The following RXYLT1 variants were observed in gnomAD, a reference collection of about 807,000 sequenced individuals.
RXYLT1 encodes the protein ribitol-5-phosphate xylosyltransferase 1.
Under a neutral mutation model 43.5 loss-of-function variants are expected in RXYLT1, and 41 were observed. That is an observed-to-expected ratio of 0.94 (90% CI 0.73 to 1.22). The LOEUF (loss-of-function observed/expected upper bound fraction) is 1.22, where lower values mean the gene tolerates loss of function less well. RXYLT1 is among the 50% of genes most tolerant of loss of function. The pLI is 0.00. For missense variants in RXYLT1, 514 were observed against 532.0 expected (o/e 0.97, Z 0.33); for synonymous variants, 166 against 194.4 (o/e 0.85, Z 1.21).
chr12:63,783,836 A>G (rs946572335), intron 2 of RXYLT1, among the ~76,000 whole-genome samples: 1 of 152,238 alleles, frequency 6.6e-6, no homozygotes, highest in African/African-American at 2.4e-5. Context: ...GCAGAACTCT[A>G]AAATGTGTGG....
At chr12:63,807,470 T>C (rs1898324471) in intron 5 of RXYLT1, 1 of 152,260 alleles carries the variant, frequency 6.6e-6, no homozygotes, top group South Asian at 2.1e-4. Flanking sequence ...GGCTGTTTTA[T>C]ACCTTCTTCT....
rs572845034 is a variant in RXYLT1, at chr12:63,780,721, T to C, written c.170-298T>C. 7.9e-5 allele frequency among the ~76,000 whole-genome samples: 12 copies of C among 152,342 alleles called. 1 individual carries two copies. The highest frequency in any genetic ancestry group is 2.9e-4 in the African/African-American group (12 of 41,582). On this transcript the variant is annotated intron_variant, in intron 1 of 5. Coordinates refer to ENST00000261234, the MANE Select transcript of RXYLT1 (RefSeq NM_014254.3). ...TAAAAATAATTGCAAAAGTTAAGCTTGTAACTTGATACATATTATCCTGTT... is the reference window on the plus strand; with the variant it reads ...TAAAAATAATTGCAAAAGTTAAGCTCGTAACTTGATACATATTATCCTGTT...
intron 3 of RXYLT1, among the ~76,000 whole-genome samples, chr12:63,795,117 C>T (rs1898000510): frequency 6.6e-6 from 1 of 151,816 alleles, no homozygotes; most frequent in African/African-American, 2.4e-5. Flanking sequence ...GGCAGCATGG[C>T]GAAACTGTAT....
Position 63,802,207 on chromosome 12 carries a change from T to G in RXYLT1, c.545T>G (p.Leu182Arg). 1 of 1,614,166 alleles carries G rather than the reference T, an allele frequency of 6.2e-7. No homozygotes were observed. The highest frequency in any genetic ancestry group is 8.5e-7 in the Non-Finnish European group (1 of 1,180,018). The change falls in exon 4 of 6, where the codon CTT becomes CGT. Residue 182 changes from leucine to arginine, a missense_variant. Physicochemically the swap from Leu to Arg is moderately radical, Grantham distance 102 (BLOSUM62 -2). Transcript: ENST00000261234. The part of the protein sequence containing the change: ...AKIFYATQWL[L>R]YAQNLVQIQK... Reference sequence around the variant, plus strand: ...ATCTTTTATGCCACCCAGTGGTTACTTTATGCACAAAATTTAGTGCAAATT... The same window carrying G: ...ATCTTTTATGCCACCCAGTGGTTACGTTATGCACAAAATTTAGTGCAAATT...
rs563121522 is a variant in RXYLT1 at position 63,803,370 on chromosome 12, T to C, written c.743+965T>C. On this transcript the variant is annotated intron_variant, in intron 4 of 5. Coordinates refer to ENST00000261234, the MANE Select transcript of RXYLT1 (RefSeq NM_014254.3). Reference sequence around the variant, plus strand: ...TTTTTGTCTCTTTTGTTCACTGTTCTATCCACAGAGCCTAAAACAGCACCT... The same window carrying C: ...TTTTTGTCTCTTTTGTTCACTGTTCCATCCACAGAGCCTAAAACAGCACCT... 9.7e-4 allele frequency among the ~76,000 whole-genome samples: 147 copies of C among 152,248 alleles called. 1 individual carries two copies. In the Middle Eastern group the frequency reaches 0.017, roughly 18 times the overall value.
chr12:63,802,037 T>C, intron 3 of RXYLT1, 54 bp from the exon 4 acceptor site: 2 of 1,468,006 alleles, frequency 1.4e-6, no homozygotes, highest in Non-Finnish European at 1.8e-6. Context: ...TGATACCACA[T>C]ACCTTTGTTC....
intron 3 of RXYLT1, among the ~76,000 whole-genome samples, chr12:63,789,985 A>T (rs1734901613): frequency 6.6e-6 from 1 of 152,234 alleles, no homozygotes; most frequent in Admixed American, 6.5e-5. Flanking sequence ...CTTTGTTTAA[A>T]TAAACAAACG....
intron 3 of RXYLT1, among the ~76,000 whole-genome samples, chr12:63,798,374 C>T (rs1419938280): frequency 6.6e-6 from 1 of 152,156 alleles, no homozygotes; most frequent in Non-Finnish European, 1.5e-5. Context: ...TTTCAGAATC[C>T]TTGTCTATAC....
chr12:63,780,777 A>C (rs1377846932), intron 1 of RXYLT1, among the ~76,000 whole-genome samples: 3 of 152,158 alleles, frequency 2.0e-5, no homozygotes, highest in African/African-American at 7.2e-5. Context: ...GGGGAAGAGA[A>C]TTTTCCTGTC....
At chr12:63,791,044 ACC>A (rs1344641145) in intron 3 of RXYLT1, among the ~76,000 whole-genome samples, 21 of 151,950 alleles carry the variant, frequency 1.4e-4, no homozygotes, top group African/African-American at 4.8e-4. Flanking sequence ...ACTGTCTCTT[ACC>A]CCTCCGTCAT....
At chr12:63,780,165 G>A (rs1413017206) in intron 1 of RXYLT1, 36 bp downstream of exon 1, 2 of 1,425,918 alleles carry the variant, frequency 1.4e-6, no homozygotes, top group Non-Finnish European at 1.8e-6. Flanking sequence ...CCGGCTCTGC[G>A]CTCCTGGCTG....
chr12:63,808,504 A>T, intron 5 of RXYLT1, 171 bp from the exon 6 acceptor site: 1 of 660,586 alleles, frequency 1.5e-6, no homozygotes, highest in South Asian at 2.3e-5. Context: ...CAATTCTTCA[A>T]CATTTTTAAG....
chr12:63,782,664 A>G, intron 2 of RXYLT1: 2 of 455,728 alleles, frequency 4.4e-6, no homozygotes, highest in Non-Finnish European at 4.4e-6. Flanking sequence ...GAGTAATCCC[A>G]TCTCCATTTC....
chr12:63,808,938 C>T lies in RXYLT1; in HGVS notation c.1178C>T (p.Pro393Leu). ...FIFIKNWKEL[P>L]AVLEKEKTII... ...TTTATCAAGAACTGGAAGGAACTCC[C>T]TGCTGTTTTAGAAAAAGAGAAAACT... is the stretch of plus-strand genomic sequence containing the variant. The change falls in exon 6 of 6, where the codon CCT becomes CTT. Residue 393 changes from proline to leucine, a missense_variant. Transcript: ENST00000261234. 1 of 1,613,688 alleles carries T rather than the reference C, an allele frequency of 6.2e-7. No individual in the cohort carries two copies. Among genetic ancestry groups the T allele is most frequent in the Non-Finnish European group, 8.5e-7 (1 of 1,180,000 alleles).
At chr12:63,796,149 T>C (rs1348815385) in intron 3 of RXYLT1, among the ~76,000 whole-genome samples, 1 of 152,238 alleles carries the variant, frequency 6.6e-6, no homozygotes, top group African/African-American at 2.4e-5. Context: ...TTTCTCAGTC[T>C]TTGTTGACCT....
rs1298692564 is a variant in RXYLT1, at chr12:63,780,038, C to A, written c.78C>A (p.His26Gln). 2.5e-6 allele frequency: 4 copies of A among 1,607,874 alleles called. No homozygotes were observed. The highest frequency in any genetic ancestry group is 3.4e-6 in the Non-Finnish European group (4 of 1,178,052). ...TATTCTCCCTCTACGCTGCCTACCA[C>A]GTCTTCTTCGGGCGCCGCCGCCAGG... ...YCLFSLYAAY[H>Q]VFFGRRRQAP... The change falls in exon 1 of 6, where the codon CAC becomes CAA. Residue 26 changes from histidine to glutamine, a missense_variant. By Grantham distance (24) the His-to-Gln change is conservative (BLOSUM62 0). Coordinates refer to ENST00000261234, the MANE Select transcript of RXYLT1 (RefSeq NM_014254.3).
intron 3 of RXYLT1, among the ~76,000 whole-genome samples, chr12:63,789,086 T>G (rs986983246): frequency 2.0e-5 from 3 of 152,152 alleles, no homozygotes; most frequent in African/African-American, 7.2e-5. Context: ...AAACTAAGAA[T>G]CCATGCCTAT....
chr12:63,809,352 A>G lies in RXYLT1; in HGVS notation c.*260A>G. On this transcript the variant is annotated 3_prime_UTR_variant, in exon 6 of 6. Transcript: ENST00000261234. ...GATGACATATGTATTGCAATACATCACTCACGTGTTTGTGGTGATACTGGT... is the reference window on the plus strand; with the variant it reads ...GATGACATATGTATTGCAATACATCGCTCACGTGTTTGTGGTGATACTGGT... 3.2e-6 allele frequency: 1 copy of G among 317,324 alleles called. No homozygotes were observed. The highest frequency in any genetic ancestry group is 5.8e-6 in the Non-Finnish European group (1 of 172,730). 19.7% of individuals were successfully genotyped at this position (317,324 alleles called of 1,614,324 possible).
At chr12:63,800,159 C>T (rs570696505) in intron 3 of RXYLT1, among the ~76,000 whole-genome samples, 1 of 152,164 alleles carries the variant, frequency 6.6e-6, no homozygotes, top group Non-Finnish European at 1.5e-5. Flanking sequence ...TATGGAAAAA[C>T]TTAAGCTCTG....
Sources: allele counts gnomAD v4.1 joint callset (sites outside exome capture counted in the v4.1 genomes callset), GRCh38; gene constraint gnomAD v4.1.1; transcripts MANE v1.5; gene names NCBI Gene and HGNC (gene_info 2026-07-23, HGNC 2026-07-21).